The following ZNF385C variants were observed in gnomAD, a reference collection of about 807,000 sequenced individuals.
ZNF385C encodes zinc finger protein 385C, also known as CTD-2132N18.2.
Under a neutral mutation model 35.4 loss-of-function variants are expected in ZNF385C, and 28 were observed. That is an observed-to-expected ratio of 0.79 (90% CI 0.59 to 1.08). ZNF385C has a LOEUF of 1.08. ZNF385C is among the 50% of genes least tolerant of loss of function. The pLI is 0.00. For synonymous variants in ZNF385C, 248 were observed against 248.2 expected, an observed-to-expected ratio of 1.00 and a Z score of 0.01; for missense variants, 605 against 595.6, an observed-to-expected ratio of 1.02 and a Z score of -0.16.
In ZNF385C at chr17:42,042,759, T is replaced by A. The variant is rs1256968474; in HGVS notation, c.251-4874A>T. ...CTAGCTGCTCCCCAAGGAGCTGGCA[T>A]GCTGGGGCTGTTCCCAGGTGGCTCA... On this transcript the variant is annotated intron_variant, in intron 2 of 8. Coordinates refer to ENST00000692273, the MANE Select transcript of ZNF385C (RefSeq NM_001392013.1). 6 of 1,122,022 alleles carry A rather than the reference T, an allele frequency of 5.3e-6. No homozygotes were observed. In the African/African-American group the frequency reaches 9.6e-5, roughly 18 times the overall value. The allele number at this position is 1,122,022 out of a possible 1,614,324, so 69.5% of individuals were successfully genotyped here. A position where few individuals can be genotyped will look rare whatever the true frequency, so the allele number is the denominator to read the frequency against.
At chr17:42,031,903 G>T in intron 4 of ZNF385C, 119 bp from the exon 5 acceptor site, 1 of 1,111,318 alleles carries the variant, frequency 9.0e-7, no homozygotes. Flanking sequence ...CACACAAAGG[G>T]CAAGTCCTTG....
chr17:42,057,440 A>G (rs2053393806), intron 2 of ZNF385C, among the ~76,000 whole-genome samples: 1 of 152,024 alleles, frequency 6.6e-6, no homozygotes, highest in African/African-American at 2.4e-5. Context: ...GCGAGGGGAC[A>G]GCAAACCTCT....
chr17:42,088,255 G>A (rs1567997668), intron 1 of ZNF385C, among the ~76,000 whole-genome samples: 1 of 152,226 alleles, frequency 6.6e-6, no homozygotes, highest in Non-Finnish European at 1.5e-5. Flanking sequence ...TGAGGACCCG[G>A]AGAGGAAGAG....
chr17:42,072,781 G>T (rs1305446083), intron 1 of ZNF385C, among the ~76,000 whole-genome samples: 4 of 152,126 alleles, frequency 2.6e-5, no homozygotes, highest in Non-Finnish European at 5.9e-5. Flanking sequence ...GGGGCTCCCC[G>T]GGTGGGAGGA....
intron 3 of ZNF385C, among the ~76,000 whole-genome samples, chr17:42,037,531 T>C (rs1394939805): frequency 6.6e-6 from 1 of 152,042 alleles, no homozygotes; most frequent in Non-Finnish European, 1.5e-5. Context: ...GACACCATCT[T>C]GTTCCCCAGC....
chr17:42,042,247 C>T (rs900651161), intron 2 of ZNF385C, among the ~76,000 whole-genome samples: 2 of 152,072 alleles, frequency 1.3e-5, no homozygotes, highest in Non-Finnish European at 2.9e-5. Context: ...AGAGGCCAGG[C>T]GCGGTTGCTT....
intron 2 of ZNF385C, among the ~76,000 whole-genome samples, chr17:42,041,493 C>T (rs2053020147): frequency 6.6e-6 from 1 of 152,130 alleles, no homozygotes; most frequent in Non-Finnish European, 1.5e-5. Context: ...AATACCAGCC[C>T]GAAATCTTCT....
chr17:42,033,022 C>T (rs868945619), intron 4 of ZNF385C, among the ~76,000 whole-genome samples: 7 of 152,250 alleles, frequency 4.6e-5, no homozygotes, highest in Middle Eastern at 3.4e-3. Flanking sequence ...CCACGCCCAG[C>T]CTCTCCTCCA....
At chr17:42,049,587 G>A (rs2053242316) in intron 2 of ZNF385C, among the ~76,000 whole-genome samples, 1 of 152,224 alleles carries the variant, frequency 6.6e-6, no homozygotes, top group Admixed American at 6.5e-5. Flanking sequence ...TTCCTCCCAA[G>A]ATCCTGTGAT....
chr17:42,094,141 G>A (rs1315836339), intron 1 of ZNF385C, among the ~76,000 whole-genome samples: 1 of 152,002 alleles, frequency 6.6e-6, no homozygotes, highest in Non-Finnish European at 1.5e-5. Context: ...GCGCCACCGC[G>A]CCCAGCTAAT....
chr17:42,075,051 G>T (rs1555659143), intron 1 of ZNF385C, among the ~76,000 whole-genome samples: 2 of 152,166 alleles, frequency 1.3e-5, no homozygotes, highest in African/African-American at 4.8e-5. Context: ...TCGTAGATCT[G>T]CTGCCTGGTA....
At chr17:42,027,163 T>A (rs2052601469) in intron 8 of ZNF385C, 30 bp from the exon 9 acceptor site, 1 of 1,601,486 alleles carries the variant, frequency 6.2e-7, no homozygotes, top group Non-Finnish European at 8.5e-7. Context: ...ATGGACACAG[T>A]CTCCACCCCA....
In ZNF385C at chr17:42,095,053, C is replaced by T. The variant is rs531539104; in HGVS notation, c.-3+3357G>A. 7.2e-5 allele frequency among the ~76,000 whole-genome samples: 11 copies of T among 152,078 alleles called. No individual in the cohort carries two copies. The South Asian group carries it at 1.2e-3, about 17-fold the overall frequency. On this transcript the variant is annotated intron_variant, in intron 1 of 8. Transcript: ENST00000692273. This position sits in a 1 kb window ranked among gnomAD's most constrained non-coding sequence, Gnocchi z 4.4. ...ACAGACCTCTGGGGGTTAGTGCAGG[C>T]GGGCATGCGTACCTGAGTGAGTTTG...
Position 42,093,587 on chromosome 17 carries a change from T to TTA in ZNF385C, c.-3+4822_-3+4823insTA, listed in dbSNP as rs1416692077. ...TTACTTTTTATTTTATTTTATTTAT[T>TTA]TTTTTTTTTTTGAGAGAGGGTCTCA... On this transcript the variant is annotated intron_variant, in intron 1 of 8. Transcript: ENST00000692273. Among the ~76,000 whole-genome samples, 327 of 111,758 alleles carry TTA rather than the reference T, an allele frequency of 2.9e-3. 5 individuals are homozygous for TTA. The highest frequency in any genetic ancestry group is 0.011 in the African/African-American group (302 of 27,704). 73.3% of individuals were successfully genotyped at this position (111,758 alleles called of 152,430 possible). A position where few individuals can be genotyped will look rare whatever the true frequency, so the allele number is the denominator to read the frequency against.
At chr17:42,086,197 G>C (rs2053805610) in intron 1 of ZNF385C, among the ~76,000 whole-genome samples, 3 of 151,762 alleles carry the variant, frequency 2.0e-5, no homozygotes, top group African/African-American at 7.3e-5. Flanking sequence ...TTAGAGACCA[G>C]CCTGCGCAAC....
chr17:42,029,223 T>C, intron 5 of ZNF385C, 150 bp from the exon 6 acceptor site: 1 of 947,210 alleles, frequency 1.1e-6, no homozygotes, highest in Non-Finnish European at 1.5e-6. Flanking sequence ...CTGGGCAGAC[T>C]TGGGCCTCAG....
chr17:42,079,558 C>T (rs2053726417), intron 1 of ZNF385C, among the ~76,000 whole-genome samples: 1 of 150,518 alleles, frequency 6.6e-6, no homozygotes, highest in South Asian at 2.1e-4. Context: ...CCCAGCTGCT[C>T]AGGAGGCTGG....
At chr17:42,079,219 C>CATATAT (rs201223179) in intron 1 of ZNF385C, among the ~76,000 whole-genome samples, 21 of 125,200 alleles carry the variant, frequency 1.7e-4, no homozygotes, top group Admixed American at 5.8e-4. Context: ...TATATATATA[C>CATATAT]ATATATATAT....
At chr17:42,078,980 A>G (rs1295350598) in intron 1 of ZNF385C, among the ~76,000 whole-genome samples, 1 of 151,986 alleles carries the variant, frequency 6.6e-6, no homozygotes, top group Non-Finnish European at 1.5e-5. Flanking sequence ...AATGGAGATA[A>G]TGGTAACAAC....
Sources: allele counts gnomAD v4.1 joint callset (sites outside exome capture counted in the v4.1 genomes callset), GRCh38; gene constraint gnomAD v4.1.1; non-coding constraint Gnocchi (gnomAD v3.1); transcripts MANE v1.5; gene names NCBI Gene and HGNC (gene_info 2026-07-23, HGNC 2026-07-21).